JAKMIP1: variants seen among roughly 807,000 people sequenced by gnomAD.
JAKMIP1 encodes janus kinase and microtubule interacting protein 1, also known as janus kinase and microtubule-interacting protein 1.
A neutral mutation model predicts 113.0 loss-of-function variants in JAKMIP1; 33 were observed. The ratio of observed to expected loss-of-function variants is 0.29; its 90% CI spans 0.22 to 0.39. JAKMIP1 has a LOEUF of 0.39. Ranked by LOEUF, JAKMIP1 falls within the 10% of genes least tolerant of loss-of-function variation. JAKMIP1 has a pLI of 1.00. For missense variants in JAKMIP1, 813 were observed against 1,080.5 expected, an observed-to-expected ratio of 0.75 and a Z score of 3.47; for synonymous variants, 480 against 459.9, an observed-to-expected ratio of 1.04 and a Z score of -0.56.
intron 1 of JAKMIP1, among the ~76,000 whole-genome samples, chr4:6,119,331 G>A (rs1716351460): frequency 6.6e-6 from 1 of 151,932 alleles, no homozygotes; most frequent in African/African-American, 2.4e-5. Context: ...ATCACCTGAG[G>A]TTGGGAGTTC....
At chr4:6,041,714 C>A (rs947815124) in intron 17 of JAKMIP1, among the ~76,000 whole-genome samples, 1 of 152,172 alleles carries the variant, frequency 6.6e-6, no homozygotes, top group African/African-American at 2.4e-5. Context: ...AACTAAAGTC[C>A]AGTTTCCCAA....
At chr4:6,120,940 C>T (rs1473927236) in intron 1 of JAKMIP1, among the ~76,000 whole-genome samples, 1 of 152,190 alleles carries the variant, frequency 6.6e-6, no homozygotes, top group South Asian at 2.1e-4. Flanking sequence ...GTGCTCACAC[C>T]TGTAATCCCA....
At chr4:6,063,666 G>A (rs1717639485) in intron 9 of JAKMIP1, among the ~76,000 whole-genome samples, 1 of 152,200 alleles carries the variant, frequency 6.6e-6, no homozygotes, top group Non-Finnish European at 1.5e-5. Flanking sequence ...GGCCACCTTG[G>A]GGTTGAATGT....
At chr4:6,144,225 G>T (rs1252985812) in intron 1 of JAKMIP1, among the ~76,000 whole-genome samples, 1 of 152,178 alleles carries the variant, frequency 6.6e-6, no homozygotes, top group Non-Finnish European at 1.5e-5. Context: ...ACAAAAAGTT[G>T]AACACAGTAG....
At chr4:6,196,280 C>T (rs2109069073) in intron 1 of JAKMIP1, among the ~76,000 whole-genome samples, 1 of 152,302 alleles carries the variant, frequency 6.6e-6, no homozygotes, top group South Asian at 2.1e-4. Flanking sequence ...GCTCCTGCGT[C>T]CCACCTCCTA....
At chr4:6,190,036 C>T (rs1220451725) in intron 1 of JAKMIP1, among the ~76,000 whole-genome samples, 1 of 152,144 alleles carries the variant, frequency 6.6e-6, no homozygotes. Flanking sequence ...CTGAATCTAG[C>T]CCCAATGACT....
chr4:6,117,947 T>C (rs1338057041), intron 1 of JAKMIP1, among the ~76,000 whole-genome samples: 1 of 152,212 alleles, frequency 6.6e-6, no homozygotes, highest in Non-Finnish European at 1.5e-5. Flanking sequence ...GTGCCCACAT[T>C]TCATATTGCT....
In JAKMIP1 at chr4:6,061,021, G is replaced by T. The variant is rs1325593703; in HGVS notation, c.1561-514C>A. Among the ~76,000 whole-genome samples the T allele has an allele frequency of 2.6e-5, 4 of 152,208 alleles. No homozygotes were observed. The highest frequency in any genetic ancestry group is 4.4e-5 in the Non-Finnish European group (3 of 68,038). On this transcript the variant is annotated intron_variant, in intron 10 of 20. Transcript: ENST00000409021. This position sits in a 1 kb window ranked among gnomAD's most constrained non-coding sequence, Gnocchi z 5.3. ...TCATATAAATAAGGGAAGTCAACTG[G>T]GTGTGGGGTAACAGGGAGTGGTGGG...
At chr4:6,169,128 C>T (rs1724013939) in intron 1 of JAKMIP1, among the ~76,000 whole-genome samples, 1 of 152,144 alleles carries the variant, frequency 6.6e-6, no homozygotes, top group South Asian at 2.1e-4. Flanking sequence ...TTTTATAGTA[C>T]ATGAATTATA....
In JAKMIP1 at chr4:6,050,448, C is replaced by T. The variant is rs962385758; in HGVS notation, c.1908+130G>A. 2.4e-5 allele frequency: 16 copies of T among 662,402 alleles called. No homozygotes were observed. The highest frequency in any genetic ancestry group is 4.2e-4 in the Middle Eastern group (1 of 2,406). 41.0% of individuals were successfully genotyped at this position (662,402 alleles called of 1,614,324 possible). A position where few individuals can be genotyped will look rare whatever the true frequency, so the allele number is the denominator to read the frequency against. ...GGTGACCCTTTAATAAATGGACAAA[C>T]TGTGACTTTCAACACAAGGGGTATC... is the stretch of plus-strand genomic sequence containing the variant. On this transcript the variant is annotated intron_variant, in intron 14 of 20. Transcript: ENST00000409021. This position sits in a 1 kb window ranked among gnomAD's most constrained non-coding sequence, Gnocchi z 7.4.
At chr4:6,110,087 T>C (rs1444837008) in intron 2 of JAKMIP1, among the ~76,000 whole-genome samples, 1 of 152,162 alleles carries the variant, frequency 6.6e-6, no homozygotes, top group Non-Finnish European at 1.5e-5. Flanking sequence ...TACCACCTAC[T>C]GTGCTGGCCT....
intron 8 of JAKMIP1, among the ~76,000 whole-genome samples, chr4:6,066,999 G>A (rs1364327118): frequency 6.6e-6 from 1 of 152,080 alleles, no homozygotes; most frequent in Admixed American, 6.6e-5. Context: ...TTAGGTCTCT[G>A]CACAAATGCA....
Position 6,080,954 on chromosome 4 carries a change from G to C in JAKMIP1, c.1102-642C>G, listed in dbSNP as rs920060622. Among the ~76,000 whole-genome samples, 16 of 133,600 alleles carry C rather than the reference G, an allele frequency of 1.2e-4. No homozygotes were observed. The highest frequency in any genetic ancestry group is 4.8e-4 in the African/African-American group (15 of 31,278). The allele number at this position is 133,600 out of a possible 152,430, so 87.6% of individuals were successfully genotyped here. ...CTAGAAACCTGGGAGGGGAAGGCAG[G>C]GGAAGGAGAGGACTTCACACAACAG... On this transcript the variant is annotated intron_variant, in intron 6 of 20. Transcript: ENST00000409021. The surrounding 1 kb of genome is among the most constrained non-coding windows in gnomAD (Gnocchi z 6.0).
chr4:6,032,530 C>T (rs1011718214), intron 19 of JAKMIP1, among the ~76,000 whole-genome samples: 2 of 152,134 alleles, frequency 1.3e-5, no homozygotes, highest in Non-Finnish European at 2.9e-5. Flanking sequence ...TCAAAGGACT[C>T]GTGTGAGTTT....
rs543899572 is a variant in JAKMIP1 at position 6,066,732 on chromosome 4, C to G, written c.1303-1724G>C. Among the ~76,000 whole-genome samples the G allele has an allele frequency of 4.9e-4, 75 of 152,258 alleles. 1 individual carries two copies. The highest frequency in any genetic ancestry group is 1.7e-3 in the African/African-American group (69 of 41,558). ...ACTCAAAATCCAGCCCTCTCTCCCCCTCTCTCCATTGGGACCTTCATCTTG... is the reference window on the plus strand; with the variant it reads ...ACTCAAAATCCAGCCCTCTCTCCCCGTCTCTCCATTGGGACCTTCATCTTG... On this transcript the variant is annotated intron_variant, in intron 8 of 20. Coordinates refer to ENST00000409021, the MANE Select transcript of JAKMIP1 (RefSeq NM_001099433.2).
chr4:6,073,469 C>A (rs76921725), intron 8 of JAKMIP1, among the ~76,000 whole-genome samples: 1 of 152,304 alleles, frequency 6.6e-6, no homozygotes, highest in African/African-American at 2.4e-5. Context: ...CCAGCCCTCC[C>A]TTAAAGGATG....
In JAKMIP1 at chr4:6,181,291, G is replaced by A. The variant is rs150707420; in HGVS notation, c.-148+18962C>T. On this transcript the variant is annotated intron_variant, in intron 1 of 20. Coordinates refer to ENST00000409021, the MANE Select transcript of JAKMIP1 (RefSeq NM_001099433.2). The surrounding 1 kb of genome is among the most constrained non-coding windows in gnomAD (Gnocchi z 5.4). ...AAAGCAGTTCCAGAAAGGGTGGAGGGGAGGGTCATGCTGAGAGAGGAAGAG... is the reference window on the plus strand; with the variant it reads ...AAAGCAGTTCCAGAAAGGGTGGAGGAGAGGGTCATGCTGAGAGAGGAAGAG... Among the ~76,000 whole-genome samples, 28 of 152,302 alleles carry A rather than the reference G, an allele frequency of 1.8e-4. No individual in the cohort carries two copies. Among genetic ancestry groups the A allele is most frequent in the African/African-American group, 6.5e-4 (27 of 41,560 alleles).
At chr4:6,189,585 C>T (rs1401070766) in intron 1 of JAKMIP1, among the ~76,000 whole-genome samples, 1 of 152,234 alleles carries the variant, frequency 6.6e-6, no homozygotes, top group South Asian at 2.1e-4. Context: ...ATTGCCCTGG[C>T]CAGGCTGTGG....
chr4:6,146,578 G>A (rs954450343), intron 1 of JAKMIP1, among the ~76,000 whole-genome samples: 2 of 152,148 alleles, frequency 1.3e-5, no homozygotes, highest in African/African-American at 4.8e-5. Flanking sequence ...ACAGGCATGA[G>A]CCACTGTGCC....
Sources: allele counts gnomAD v4.1 joint callset (sites outside exome capture counted in the v4.1 genomes callset), GRCh38; gene constraint gnomAD v4.1.1; non-coding constraint Gnocchi (gnomAD v3.1); transcripts MANE v1.5; gene names NCBI Gene and HGNC (gene_info 2026-07-23, HGNC 2026-07-21).